Variants in KCNAB1 observed in about 807,000 individuals in gnomAD.
The protein encoded by KCNAB1 is voltage-gated potassium channel subunit beta-1.
A neutral mutation model predicts 64.6 loss-of-function variants in KCNAB1; 35 were observed. The ratio of observed to expected loss-of-function variants is 0.54; its 90% CI spans 0.41 to 0.72. KCNAB1 has a LOEUF of 0.72. KCNAB1 is among the 30% of genes least tolerant of loss of function. The probability of loss-of-function intolerance (pLI) is 0.00; values close to 1 mark genes in which losing one functional copy is unlikely to be tolerated. For synonymous variants in KCNAB1, 177 were observed against 183.8 expected (o/e 0.96, Z 0.30); for missense variants, 401 against 512.9 (o/e 0.78, Z 2.11).
In KCNAB1 at chr3:156,463,858, T is replaced by TA. The variant is rs1713135070; in HGVS notation, c.527+112_527+113insA. ...AAATTAATTGGCTTAGAGAGAGGGT[T>TA]TTTTGTTTTTTTTTTGTTTTTTTCT... On this transcript the variant is annotated intron_variant, in intron 6 of 13. Coordinates refer to ENST00000490337, the MANE Select transcript of KCNAB1 (RefSeq NM_172160.3). 6.8e-6 allele frequency: 5 copies of TA among 734,402 alleles called. No homozygotes were observed. In the Admixed American group the frequency reaches 1.7e-4, roughly 25 times the overall value. The allele number at this position is 734,402 out of a possible 1,614,324, so 45.5% of individuals were successfully genotyped here.
intron 1 of KCNAB1, among the ~76,000 whole-genome samples, chr3:156,361,764 T>C (rs566103287): frequency 6.6e-6 from 1 of 152,154 alleles, no homozygotes; most frequent in African/African-American, 2.4e-5. Context: ...GCTCAAGGGA[T>C]CCTCCCACTT....
intron 1 of KCNAB1, among the ~76,000 whole-genome samples, chr3:156,167,732 G>T (rs953154989): frequency 2.0e-5 from 3 of 152,262 alleles, no homozygotes; most frequent in Admixed American, 6.5e-5. Flanking sequence ...TAAGATTTTT[G>T]TAGTATAAGG....
At chr3:156,247,204 A>G (rs1247022850) in intron 1 of KCNAB1, among the ~76,000 whole-genome samples, 6 of 152,188 alleles carry the variant, frequency 3.9e-5, no homozygotes, top group African/African-American at 1.4e-4. Context: ...CTTAGTCTCC[A>G]GAAAGCTAGC....
chr3:156,214,940 C>G (rs957016864), intron 1 of KCNAB1, among the ~76,000 whole-genome samples: 10 of 152,086 alleles, frequency 6.6e-5, no homozygotes, highest in Non-Finnish European at 1.3e-4. Context: ...GTACAGCCTT[C>G]CTTGGAAATG....
At chr3:156,148,367 T>C (rs1715181675) in intron 1 of KCNAB1, among the ~76,000 whole-genome samples, 1 of 152,232 alleles carries the variant, frequency 6.6e-6, no homozygotes, top group Non-Finnish European at 1.5e-5. Flanking sequence ...TTCAATGCCT[T>C]TGCACTTAGA....
At chr3:156,191,579 C>T (rs553451692) in intron 1 of KCNAB1, among the ~76,000 whole-genome samples, 1 of 152,296 alleles carries the variant, frequency 6.6e-6, no homozygotes, top group South Asian at 2.1e-4. Flanking sequence ...GAAAATGTCA[C>T]AGAGGGGCTC....
At chr3:156,273,595 G>A (rs919467295) in intron 1 of KCNAB1, 16 of 456,528 alleles carry the variant, frequency 3.5e-5, no homozygotes, top group Non-Finnish European at 7.1e-5. Context: ...CTGTGGGGTG[G>A]GAGAAGGGTG....
At chr3:156,176,118 G>A (rs1422476503) in intron 1 of KCNAB1, 14 of 768,402 alleles carry the variant, frequency 1.8e-5, no homozygotes, top group Non-Finnish European at 3.4e-5. Flanking sequence ...TCTCTTTGGG[G>A]GCAAATGGCC....
At chr3:156,310,571 A>AG (rs542349258) in intron 1 of KCNAB1, among the ~76,000 whole-genome samples, 68 of 152,248 alleles carry the variant, frequency 4.5e-4, no homozygotes, top group South Asian at 4.4e-3. Context: ...TGGGAGGCCA[A>AG]GGGGGGCAGA....
intron 1 of KCNAB1, among the ~76,000 whole-genome samples, chr3:156,126,028 T>C (rs566735022): frequency 1.3e-5 from 2 of 152,250 alleles, no homozygotes; most frequent in South Asian, 4.1e-4. Context: ...GCTTGCAGCC[T>C]AGGAGTAATT....
chr3:156,482,482 G>T (rs933429120), intron 8 of KCNAB1, among the ~76,000 whole-genome samples: 10 of 151,394 alleles, frequency 6.6e-5, no homozygotes, highest in Non-Finnish European at 1.5e-5. Flanking sequence ...AACTAATCAT[G>T]GGAGGGGGCT....
At chr3:156,437,346 GGGTGTCACA>G (rs1208038892) in intron 2 of KCNAB1, among the ~76,000 whole-genome samples, 1 of 152,154 alleles carries the variant, frequency 6.6e-6, no homozygotes, top group African/African-American at 2.4e-5. Context: ...ATTTGAATCT[GGGTGTCACA>G]GGCATAACAT....
In KCNAB1 at chr3:156,341,751, G is replaced by C. The variant is rs139051781; in HGVS notation, c.276-79865G>C. On this transcript the variant is annotated intron_variant, in intron 1 of 13. Transcript: ENST00000490337. ...GAAATATATTTTGTATGGTGACCTA[G>C]TGCATACATACATATACATATTATA... Among the ~76,000 whole-genome samples the C allele has an allele frequency of 4.6e-5, 7 of 152,226 alleles. No individual in the cohort carries two copies. In the East Asian group the frequency reaches 1.3e-3, roughly 29 times the overall value.
At chr3:156,177,463 G>A (rs1161103520) in intron 1 of KCNAB1, among the ~76,000 whole-genome samples, 1 of 152,112 alleles carries the variant, frequency 6.6e-6, no homozygotes, top group African/African-American at 2.4e-5. Context: ...AGCAAGCTCC[G>A]CCTTCCAGGT....
chr3:156,344,042 T>G (rs1300264187), intron 1 of KCNAB1, among the ~76,000 whole-genome samples: 1 of 152,194 alleles, frequency 6.6e-6, no homozygotes, highest in African/African-American at 2.4e-5. Context: ...CAGCCTCCTA[T>G]CTGATGAGGC....
At chr3:156,265,505 C>T (rs1718646996) in intron 1 of KCNAB1, among the ~76,000 whole-genome samples, 1 of 152,146 alleles carries the variant, frequency 6.6e-6, no homozygotes, top group African/African-American at 2.4e-5. Flanking sequence ...CATGTGGATT[C>T]TTTCATGTGG....
intron 1 of KCNAB1, among the ~76,000 whole-genome samples, chr3:156,154,893 C>A (rs1235730794): frequency 6.6e-6 from 1 of 152,196 alleles, no homozygotes; most frequent in Non-Finnish European, 1.5e-5. Context: ...TATCTTCTTT[C>A]TGCCCCTTCT....
At chr3:156,419,343 T>TA (rs1031492419) in intron 1 of KCNAB1, among the ~76,000 whole-genome samples, 2 of 150,904 alleles carry the variant, frequency 1.3e-5, no homozygotes, top group East Asian at 2.0e-4. Flanking sequence ...CTACTAAAAA[T>TA]AAAAAAAATT....
At chr3:156,532,529 T>A (rs1718773482) in intron 13 of KCNAB1, among the ~76,000 whole-genome samples, 1 of 152,222 alleles carries the variant, frequency 6.6e-6, no homozygotes, top group Non-Finnish European at 1.5e-5. Flanking sequence ...CACAGCCCTG[T>A]TACCATTCCC....
Sources: allele counts gnomAD v4.1 joint callset (sites outside exome capture counted in the v4.1 genomes callset), GRCh38; gene constraint gnomAD v4.1.1; transcripts MANE v1.5; gene names NCBI Gene and HGNC (gene_info 2026-07-23, HGNC 2026-07-21).